GFPT2: variants seen among roughly 807,000 people sequenced by gnomAD.
GFPT2 encodes glutamine--fructose-6-phosphate aminotransferase [isomerizing] 2.
In GFPT2, 62 loss-of-function variants were observed where a neutral mutation model predicts 85.6. The observed-to-expected ratio is 0.72, with a 90% CI of 0.59 to 0.90. The LOEUF is 0.90. Ranked by LOEUF, GFPT2 falls within the 40% of genes least tolerant of loss-of-function variation. The probability of loss-of-function intolerance (pLI) is 0.00; values close to 1 mark genes in which losing one functional copy is unlikely to be tolerated. For missense variants in GFPT2, 788 were observed against 893.4 expected (o/e 0.88, Z 1.50); for synonymous variants, 368 against 344.5 (o/e 1.07, Z -0.75).
intron 6 of GFPT2, among the ~76,000 whole-genome samples, chr5:180,329,515 T>G (rs1162023572): frequency 1.3e-5 from 2 of 152,262 alleles, no homozygotes; most frequent in Non-Finnish European, 1.5e-5. Context: ...TAATACCTAA[T>G]TGGCTCACTG....
intron 16 of GFPT2, among the ~76,000 whole-genome samples, chr5:180,306,909 G>A (rs1055356789): frequency 1.4e-4 from 22 of 152,342 alleles, no homozygotes; most frequent in African/African-American, 5.1e-4. Context: ...CTGGACAGCC[G>A]GAGGGGCACA....
At chr5:180,344,811 G>A (rs1317172036) in intron 1 of GFPT2, among the ~76,000 whole-genome samples, 1 of 149,588 alleles carries the variant, frequency 6.7e-6, no homozygotes, top group Admixed American at 6.6e-5. Context: ...GGGCCCACCT[G>A]ACTTGGCTGG....
Position 180,330,580 on chromosome 5 carries a change from C to T in GFPT2, c.534+120G>A, listed in dbSNP as rs116033285. The T allele has an allele frequency of 6.8e-3, 5,372 of 785,632 alleles. 37 individuals carry two copies. The highest frequency in any genetic ancestry group is 0.016 in the Middle Eastern group (58 of 3,726). 48.7% of individuals were successfully genotyped at this position (785,632 alleles called of 1,614,324 possible). A position where few individuals can be genotyped will look rare whatever the true frequency, so the allele number is the denominator to read the frequency against. The stretch of plus-strand genomic sequence containing the variant: ...TGTCTTTTATCCCCAGGACTCTGTG[C>T]AAGTTTGTCTAACAAGGGCTTATAA... On this transcript the variant is annotated intron_variant, in intron 6 of 18. Coordinates refer to ENST00000253778, the MANE Select transcript of GFPT2 (RefSeq NM_005110.4). This position sits in a 1 kb window ranked among gnomAD's most constrained non-coding sequence, Gnocchi z 4.4.
intron 15 of GFPT2, 55 bp downstream of exon 15, chr5:180,312,375 G>A: frequency 1.1e-6 from 1 of 910,526 alleles, no homozygotes; most frequent in South Asian, 1.3e-5. Flanking sequence ...ACAGAGAATG[G>A]CCAGCAACAG....
At chr5:180,352,535 C>T (rs1397444316) in intron 1 of GFPT2, 5 of 444,292 alleles carry the variant, frequency 1.1e-5, no homozygotes, top group Non-Finnish European at 2.2e-5. Flanking sequence ...GGACGCCCGG[C>T]CCCGCTCCCC....
At position 180,328,343 on chromosome 5, in the gene GFPT2, A is replaced by C; in HGVS notation, c.535-5T>G. The C allele has an allele frequency of 6.2e-7, 1 of 1,610,878 alleles. No homozygotes were observed. Among genetic ancestry groups the C allele is most frequent in the Non-Finnish European group, 8.5e-7 (1 of 1,177,272 alleles). ...AACCAGCGCGAATGCACCTTCCTGA[A>C]AACACACAAACAGTGAGGGTCAACG... On this transcript the variant is annotated splice_polypyrimidine_tract_variant and splice_region_variant and intron_variant, in intron 6 of 18. Coordinates refer to ENST00000253778, the MANE Select transcript of GFPT2 (RefSeq NM_005110.4). The surrounding 1 kb of genome is among the most constrained non-coding windows in gnomAD (Gnocchi z 5.4).
intron 4 of GFPT2, among the ~76,000 whole-genome samples, chr5:180,332,496 A>G (rs995143275): frequency 1.5e-4 from 23 of 151,926 alleles, no homozygotes; most frequent in African/African-American, 5.6e-4. Flanking sequence ...AATATTGACT[A>G]TTTTTTTCAA....
intron 3 of GFPT2, 40 bp downstream of exon 3, chr5:180,336,430 AGCGGCCGGC>A: frequency 1.0e-6 from 1 of 989,606 alleles, no homozygotes. Flanking sequence ...GGTCCTAGAA[AGCGGCCGGC>A]GCTGCAGCGG....
intron 17 of GFPT2, among the ~76,000 whole-genome samples, chr5:180,303,107 G>GT (rs1481672202): frequency 6.9e-6 from 1 of 145,590 alleles, no homozygotes; most frequent in African/African-American, 2.4e-5. Context: ...GCGGGGGCCT[G>GT]TAGTCCCAGC....
At chr5:180,324,926 A>G in intron 7 of GFPT2, 31 bp from the exon 8 acceptor site, 1 of 1,404,690 alleles carries the variant, frequency 7.1e-7, no homozygotes, top group Non-Finnish European at 1.0e-6. Context: ...CCCATTACCC[A>G]TTGCCTTTGA....
In GFPT2 at chr5:180,338,731, T is replaced by C. The variant is rs1764451683; in HGVS notation, c.8-131A>G. 8.4e-6 allele frequency: 5 copies of C among 595,572 alleles called. No individual in the cohort carries two copies. In the South Asian group the frequency reaches 1.0e-4, roughly 12 times the overall value. 36.9% of individuals were successfully genotyped at this position (595,572 alleles called of 1,614,324 possible). On this transcript the variant is annotated intron_variant, in intron 1 of 18. Transcript: ENST00000253778. ...GGGCTTGCAGAGGTGGGTATGCCCC[T>C]CCCTGAGCACAGCTGAAGAACGGTG...
chr5:180,313,692 C>T (rs370321281), intron 14 of GFPT2, 115 bp downstream of exon 14: 50 of 756,980 alleles, frequency 6.6e-5, no homozygotes, highest in African/African-American at 4.7e-4. Context: ...AGGGGTGAGG[C>T]GGGAAGGGGA....
At chr5:180,338,981 G>C (rs1025362393) in intron 1 of GFPT2, among the ~76,000 whole-genome samples, 3 of 152,200 alleles carry the variant, frequency 2.0e-5, no homozygotes, top group Non-Finnish European at 2.9e-5. Context: ...ACACATCTAG[G>C]AGTGCCATAG....
At chr5:180,351,232 AGCTG>A in intron 1 of GFPT2, among the ~76,000 whole-genome samples, 1 of 152,358 alleles carries the variant, frequency 6.6e-6, no homozygotes, top group South Asian at 2.1e-4. Flanking sequence ...AATTCTAGCC[AGCTG>A]CTGCTGCCTG....
rs1764754522 is a variant in GFPT2, at chr5:180,353,286, TGGGCTCCTCC to T, written c.-79_-70del. ...CCGTTCGGACGCTGGGGCTCCTCCGTGGGCTCCTCCGTGGGCTCCGTGGGCTCCGTGGGCT... is the reference window on the plus strand; with the variant it reads ...CCGTTCGGACGCTGGGGCTCCTCCGTGTGGGCTCCGTGGGCTCCGTGGGCT... On this transcript the variant is annotated 5_prime_UTR_variant, in exon 1 of 19. Coordinates refer to ENST00000253778, the MANE Select transcript of GFPT2 (RefSeq NM_005110.4). 3 of 1,185,304 alleles carry T rather than the reference TGGGCTCCTCC, an allele frequency of 2.5e-6. No homozygotes were observed. Among genetic ancestry groups the T allele is most frequent in the Admixed American group, 8.8e-5 (2 of 22,642 alleles). The allele number at this position is 1,185,304 out of a possible 1,614,324, so 73.4% of individuals were successfully genotyped here. A position where few individuals can be genotyped will look rare whatever the true frequency, so the allele number is the denominator to read the frequency against.
chr5:180,326,205 C>T (rs1224821502), intron 7 of GFPT2, among the ~76,000 whole-genome samples: 3 of 152,144 alleles, frequency 2.0e-5, no homozygotes, highest in Non-Finnish European at 4.4e-5. Context: ...TGCGGTTCTT[C>T]AAAACCAGGC....
At chr5:180,301,867 T>C (rs1763678553) in intron 18 of GFPT2, among the ~76,000 whole-genome samples, 1 of 151,962 alleles carries the variant, frequency 6.6e-6, no homozygotes, top group Non-Finnish European at 1.5e-5. Flanking sequence ...ATAAGGTTCA[T>C]GCTTTTAAAC....
rs143239132 is a variant in GFPT2 at position 180,341,859 on chromosome 5, C to T, written c.8-3259G>A. 3.7e-3 allele frequency among the ~76,000 whole-genome samples: 568 copies of T among 152,204 alleles called. 18 individuals are homozygous for T. The South Asian group carries it at 0.089, about 24-fold the overall frequency. On this transcript the variant is annotated intron_variant, in intron 1 of 18. Transcript: ENST00000253778. The stretch of plus-strand genomic sequence containing the variant: ...TTCCAGAGGCTCACACGACAGCCCC[C>T]AAACATCTGGGCATGGGAGGTACTT...
chr5:180,343,524 C>T (rs776954127), intron 1 of GFPT2, among the ~76,000 whole-genome samples: 3 of 152,256 alleles, frequency 2.0e-5, no homozygotes, highest in African/African-American at 4.8e-5. Flanking sequence ...ATTTTCACCA[C>T]GAGCCCTCTT....
Sources: allele counts gnomAD v4.1 joint callset (sites outside exome capture counted in the v4.1 genomes callset), GRCh38; gene constraint gnomAD v4.1.1; non-coding constraint Gnocchi (gnomAD v3.1); transcripts MANE v1.5; gene names NCBI Gene and HGNC (gene_info 2026-07-23, HGNC 2026-07-21).